SLK: variants seen among roughly 807,000 people sequenced by gnomAD.
SLK encodes STE20 like kinase, also known as STE20-like serine/threonine-protein kinase.
Under a neutral mutation model 147.7 loss-of-function variants are expected in SLK, and 67 were observed. That is an observed-to-expected ratio of 0.45 (90% CI 0.37 to 0.56). The LOEUF is 0.56. Among genes scored for constraint, SLK ranks in the 20% least tolerant of loss-of-function variants. The pLI is 0.00. For synonymous variants in SLK, 441 were observed against 475.0 expected, an observed-to-expected ratio of 0.93 and a Z score of 0.93; for missense variants, 1,136 against 1,438.8, an observed-to-expected ratio of 0.79 and a Z score of 3.41.
chr10:104,009,171 T>C (rs1844368232), intron 12 of SLK, among the ~76,000 whole-genome samples: 1 of 152,144 alleles, frequency 6.6e-6, no homozygotes, highest in Non-Finnish European at 1.5e-5. Flanking sequence ...TTTTATAATT[T>C]ATTAACATCT....
At chr10:104,023,113 A>G (rs1404372979) in intron 18 of SLK, among the ~76,000 whole-genome samples, 2 of 152,186 alleles carry the variant, frequency 1.3e-5, no homozygotes, top group East Asian at 1.9e-4. Flanking sequence ...GTCAAATCCT[A>G]TGGCCTTATC....
intron 4 of SLK, among the ~76,000 whole-genome samples, chr10:103,993,896 T>C (rs528863989): frequency 9.3e-4 from 141 of 152,296 alleles, no homozygotes; most frequent in African/African-American, 3.3e-3. Context: ...CTAAATTTTA[T>C]TCTTTTTAAT....
intron 13 of SLK, among the ~76,000 whole-genome samples, 189 bp from the exon 14 acceptor site, chr10:104,017,971 C>CT (rs11406480): frequency 0.097 from 14,748 of 152,002 alleles, 1,331 homozygotes; most frequent in African/African-American, 0.24. Flanking sequence ...TATTCTAATG[C>CT]TTTTTTCTTA....
rs1843812539 is a variant in SLK at position 103,972,846 on chromosome 10, C to G, written c.150+4951C>G. 2.0e-5 allele frequency among the ~76,000 whole-genome samples: 3 copies of G among 152,124 alleles called. No homozygotes were observed. The South Asian group carries it at 6.2e-4, about 32-fold the overall frequency. On this transcript the variant is annotated intron_variant, in intron 1 of 18. Coordinates refer to ENST00000369755, the MANE Select transcript of SLK (RefSeq NM_014720.4). ...ATGTTTTTGGTAATTTGAATTTCTT[C>G]TTTTGTGTTCAAGTCTCTTATCCAT...
rs748677278 is a variant in SLK, at chr10:104,021,603, C to A, written c.3448-17C>A. ...TAGTTGATCTGAAATTTTTTTAAAT[C>A]CCAACTTTATTTTCAGAATGAAAAA... On this transcript the variant is annotated splice_polypyrimidine_tract_variant and intron_variant, in intron 17 of 18. Transcript: ENST00000369755. The A allele has an allele frequency of 1.5e-5, 23 of 1,497,080 alleles. No individual in the cohort carries two copies. The highest frequency in any genetic ancestry group is 2.3e-5 in the East Asian group (1 of 43,728). 92.7% of individuals were successfully genotyped at this position (1,497,080 alleles called of 1,614,324 possible).
intron 1 of SLK, among the ~76,000 whole-genome samples, chr10:103,984,395 C>T (rs1220224732): frequency 6.6e-6 from 1 of 152,082 alleles, no homozygotes; most frequent in South Asian, 2.1e-4. Context: ...CCTGTGTGCT[C>T]TCATACCCCA....
At chr10:104,015,625 T>C (rs982355251) in intron 13 of SLK, among the ~76,000 whole-genome samples, 5 of 152,212 alleles carry the variant, frequency 3.3e-5, no homozygotes, top group Non-Finnish European at 7.3e-5. Flanking sequence ...TTAGTAACCT[T>C]CTAAGTAGTA....
intron 11 of SLK, among the ~76,000 whole-genome samples, chr10:104,007,796 T>TAAATAAATAAATAAAA (rs1213770710): frequency 6.6e-6 from 1 of 151,138 alleles, no homozygotes; most frequent in African/African-American, 2.4e-5. Context: ...AATAAATAAA[T>TAAATAAATAAATAAAA]AAAAAGATAA....
At chr10:103,987,137 G>A (rs1428250913) in intron 1 of SLK, among the ~76,000 whole-genome samples, 2 of 152,010 alleles carry the variant, frequency 1.3e-5, no homozygotes, top group Non-Finnish European at 2.9e-5. Flanking sequence ...ATCCTGATGA[G>A]TAATCATGTT....
intron 1 of SLK, among the ~76,000 whole-genome samples, chr10:103,980,470 G>A (rs191541256): frequency 1.3e-5 from 2 of 152,136 alleles, no homozygotes; most frequent in African/African-American, 4.8e-5. Context: ...AAACTCTACC[G>A]TGTTAAACAG....
intron 1 of SLK, among the ~76,000 whole-genome samples, chr10:103,969,161 G>T (rs905499947): frequency 1.3e-5 from 2 of 152,092 alleles, no homozygotes; most frequent in Non-Finnish European, 2.9e-5. Context: ...TAGAGACAGG[G>T]TTTCTCCATG....
intron 18 of SLK, among the ~76,000 whole-genome samples, chr10:104,022,280 A>G (rs1844545861): frequency 6.6e-6 from 1 of 152,174 alleles, no homozygotes; most frequent in Non-Finnish European, 1.5e-5. Flanking sequence ...GGTCAACTGG[A>G]GCCATATTAA....
intron 18 of SLK, among the ~76,000 whole-genome samples, chr10:104,022,005 A>C (rs1328905693): frequency 6.6e-6 from 1 of 152,134 alleles, no homozygotes; most frequent in Admixed American, 6.5e-5. Context: ...TGCCTGGGTA[A>C]GTCAGGGAGG....
intron 11 of SLK, among the ~76,000 whole-genome samples, chr10:104,007,505 G>A (rs805663): frequency 0.21 from 32,366 of 151,890 alleles, 3,818 homozygotes; most frequent in African/African-American, 0.32. Context: ...CTACTCAGGC[G>A]GCTGAGGCAT....
intron 1 of SLK, among the ~76,000 whole-genome samples, chr10:103,971,400 G>T (rs982400211): frequency 1.3e-5 from 2 of 152,054 alleles, no homozygotes. Context: ...TCAGCCTCCG[G>T]AGTAGTTGGG....
rs1032427117 is a variant in SLK at position 104,025,603 on chromosome 10, A to G, written c.3591A>G (p.Leu1197=). ...TGGAAGAAGAGTTTGCCAGGAAACT[A>G]CAGGAACAGGAAGTATTCTTTAAAA... The part of the protein sequence containing the change: ...KTLEEEFARK[L]QEQEVFFKMT... Residue 1197 remains leucine (L), a synonymous_variant, in exon 19 of 19, where the codon CTA becomes CTG. Coordinates refer to ENST00000369755, the MANE Select transcript of SLK (RefSeq NM_014720.4). The G allele has an allele frequency of 2.5e-6, 4 of 1,614,038 alleles. No homozygotes were observed. The highest frequency in any genetic ancestry group is 1.7e-6 in the Non-Finnish European group (2 of 1,179,868).
chr10:103,992,981 T>C lies in SLK; in HGVS notation c.365-3T>C, dbSNP rs1259250268. 1.2e-6 allele frequency: 2 copies of C among 1,604,738 alleles called. No homozygotes were observed. The highest frequency in any genetic ancestry group is 1.7e-5 in the Admixed American group (1 of 58,544). ...GATTTTTTTTTTTACTTTCTCCTTA[T>C]AGAACTTGAGAGACCATTAACTGAG... On this transcript the variant is annotated splice_region_variant and splice_polypyrimidine_tract_variant and intron_variant, in intron 3 of 18. Transcript: ENST00000369755.
intron 1 of SLK, among the ~76,000 whole-genome samples, chr10:103,980,803 C>G (rs1173614176): frequency 1.3e-5 from 2 of 152,118 alleles, no homozygotes; most frequent in Non-Finnish European, 2.9e-5. Context: ...GTACAAGTAT[C>G]TCTTTGAGAC....
intron 1 of SLK, among the ~76,000 whole-genome samples, chr10:103,975,385 G>A (rs150348239): frequency 1.3e-5 from 2 of 152,164 alleles, no homozygotes; most frequent in African/African-American, 4.8e-5. Flanking sequence ...AGACCTAGAG[G>A]TCATTTTTAA....
Sources: gnomAD v4.1 joint callset for allele counts (sites outside exome capture counted in the v4.1 genomes callset) on GRCh38, gnomAD v4.1.1 for gene constraint, MANE v1.5 for transcripts, NCBI Gene and HGNC (gene_info 2026-07-23, HGNC 2026-07-21) for gene names.